SMG6: variants seen among roughly 807,000 people sequenced by gnomAD.
SMG6 encodes the protein telomerase-binding protein EST1A.
Under a neutral mutation model 142.2 loss-of-function variants are expected in SMG6, and 66 were observed. That is an observed-to-expected ratio of 0.46 (90% CI 0.38 to 0.57). SMG6 has a LOEUF of 0.57. SMG6 is among the 20% of genes least tolerant of loss of function. The pLI, the probability that SMG6 is intolerant of heterozygous loss-of-function variation, is 0.00. For synonymous variants in SMG6, 779 were observed against 702.4 expected (o/e 1.11, Z -1.72); for missense variants, 1,793 against 1,832.0 (o/e 0.98, Z 0.39).
intron 15 of SMG6, among the ~76,000 whole-genome samples, chr17:2,069,703 A>G (rs568423572): frequency 3.5e-4 from 53 of 152,350 alleles, no homozygotes; most frequent in African/African-American, 1.2e-3. Context: ...CTGCAGCAGC[A>G]GCCGAAGTCC....
At chr17:2,186,255 T>G (rs1331071594) in intron 12 of SMG6, among the ~76,000 whole-genome samples, 1 of 79,916 alleles carries the variant, frequency 1.3e-5, no homozygotes. Context: ...ATACCCTGTT[T>G]CAAAAAAAAA....
At chr17:2,173,738 C>T (rs62069294) in intron 12 of SMG6, among the ~76,000 whole-genome samples, 2,195 of 151,418 alleles carry the variant, frequency 0.014, 19 homozygotes, top group East Asian at 0.054. Flanking sequence ...ATTGAAATTT[C>T]AGCATAGAAT....
chr17:2,291,058 G>A (rs918734020), intron 6 of SMG6, among the ~76,000 whole-genome samples: 1 of 152,188 alleles, frequency 6.6e-6, no homozygotes, highest in African/African-American at 2.4e-5. Context: ...ATGGCCAGGT[G>A]CGGTGGCTCA....
In SMG6 at chr17:2,255,329, G is replaced by A. The variant is rs575961652; in HGVS notation, c.2662-10610C>T. Among the ~76,000 whole-genome samples, 15 of 146,210 alleles carry A rather than the reference G, an allele frequency of 1.0e-4. No homozygotes were observed. In the South Asian group the frequency reaches 2.6e-3, roughly 25 times the overall value. On this transcript the variant is annotated intron_variant, in intron 8 of 18. Transcript: ENST00000263073. The stretch of plus-strand genomic sequence containing the variant: ...TGAGGCAGGAGAATGGCGTGAACCC[G>A]GGAGGCGGAGCTTGCAGTGAGCCGA...
chr17:2,072,005 A>G (rs2068115550), intron 15 of SMG6: 1 of 152,038 alleles, frequency 6.6e-6, no homozygotes. Flanking sequence ...CGGTAAGAGG[A>G]GGACACAGGA....
rs1486408277 is a variant in SMG6, at chr17:2,236,636, T to A, written c.2725A>T (p.Met909Leu). 2 of 1,609,714 alleles carry A rather than the reference T, an allele frequency of 1.2e-6. No homozygotes were observed. The highest frequency in any genetic ancestry group is 1.7e-6 in the Non-Finnish European group (2 of 1,177,926). ...AHGKLFTRIGMETFPAVAEKV... is the reference protein window; with the variant it reads ...AHGKLFTRIGLETFPAVAEKV... ...TCAGCCACTGCAGGGAATGTCTCCA[T>A]CCTGCAGATTCAGAAAACCCATCAA... The change falls in exon 10 of 19, where the codon ATG becomes TTG. Residue 909 changes from methionine (M) to leucine (L), a missense_variant and splice_region_variant. Met to Leu is a conservative substitution (Grantham distance 15, BLOSUM62 2). This residue lies in a region of SMG6 where 1,597 missense variants were observed against 1,584.6 expected (regional missense o/e 1.01). Transcript: ENST00000263073.
At chr17:2,180,972 T>C (rs2071787681) in intron 12 of SMG6, among the ~76,000 whole-genome samples, 1 of 152,172 alleles carries the variant, frequency 6.6e-6, no homozygotes, top group Admixed American at 6.5e-5. Context: ...TCCTGCTCCC[T>C]TGGGAGCATT....
At chr17:2,098,920 C>T (rs562072347) in intron 13 of SMG6, among the ~76,000 whole-genome samples, 31 of 152,296 alleles carry the variant, frequency 2.0e-4, no homozygotes, top group South Asian at 8.3e-4. Context: ...CGTGAGCCAC[C>T]GTGCCTGGCC....
chr17:2,110,692 T>G (rs2069289935), intron 13 of SMG6, among the ~76,000 whole-genome samples: 1 of 151,818 alleles, frequency 6.6e-6, no homozygotes, highest in South Asian at 2.1e-4. Flanking sequence ...CTGGGAGAGG[T>G]CAGCAACAAC....
At chr17:2,209,260 T>C (rs2072777492) in intron 10 of SMG6, among the ~76,000 whole-genome samples, 1 of 152,220 alleles carries the variant, frequency 6.6e-6, no homozygotes, top group South Asian at 2.1e-4. Flanking sequence ...CTGCCTAGGC[T>C]GGAGTGCAAT....
intron 13 of SMG6, among the ~76,000 whole-genome samples, chr17:2,116,574 C>T (rs963875879): frequency 2.6e-5 from 4 of 151,932 alleles, no homozygotes; most frequent in Admixed American, 1.3e-4. Context: ...GGTGAAACCC[C>T]GTCTCTACTA....
At chr17:2,223,244 G>A (rs909493877) in intron 10 of SMG6, among the ~76,000 whole-genome samples, 6 of 152,196 alleles carry the variant, frequency 3.9e-5, no homozygotes, top group South Asian at 2.1e-4. Context: ...GCACGTGTCC[G>A]GATTTCAGAA....
chr17:2,263,880 T>A (rs1003373102), intron 8 of SMG6, among the ~76,000 whole-genome samples: 2 of 152,126 alleles, frequency 1.3e-5, no homozygotes, highest in Non-Finnish European at 2.9e-5. Flanking sequence ...GGTAGAGAGA[T>A]GAAATTCTGG....
intron 8 of SMG6, among the ~76,000 whole-genome samples, chr17:2,258,050 C>T (rs1306349413): frequency 5.0e-5 from 6 of 120,252 alleles, no homozygotes; most frequent in South Asian, 2.6e-4. Flanking sequence ...CACACACACA[C>T]ACACACACAC....
intron 13 of SMG6, among the ~76,000 whole-genome samples, chr17:2,145,643 C>T (rs1461305855): frequency 4.2e-5 from 1 of 23,776 alleles, no homozygotes. Context: ...TCCATCTCCC[C>T]AAAAAAAAAA....
chr17:2,127,703 G>C, intron 13 of SMG6: 1 of 566,026 alleles, frequency 1.8e-6, no homozygotes, highest in South Asian at 1.4e-5. Flanking sequence ...GTATCTGTTC[G>C]GACTTTAATC....
chr17:2,295,102 TC>T (rs2075117874), intron 4 of SMG6, among the ~76,000 whole-genome samples: 1 of 152,124 alleles, frequency 6.6e-6, no homozygotes, highest in Admixed American at 6.5e-5. Flanking sequence ...GGTCTCAAAC[TC>T]CTGACCTCAG....
At chr17:2,239,160 G>A (rs773204069) in intron 9 of SMG6, among the ~76,000 whole-genome samples, 2 of 152,284 alleles carry the variant, frequency 1.3e-5, no homozygotes, top group African/African-American at 2.4e-5. Flanking sequence ...GGACACGTAC[G>A]TAAGTATGTA....
At chr17:2,276,070 G>T (rs939389140) in intron 8 of SMG6, among the ~76,000 whole-genome samples, 2 of 152,170 alleles carry the variant, frequency 1.3e-5, no homozygotes, top group Non-Finnish European at 2.9e-5. Context: ...TCTAGGAGTT[G>T]TCAAAGGAAC....
Sources: gnomAD v4.1 joint callset for allele counts (sites outside exome capture counted in the v4.1 genomes callset) on GRCh38, gnomAD v4.1.1 for gene constraint, gnomAD v4.1.1 regional missense constraint, MANE v1.5 for transcripts, NCBI Gene and HGNC (gene_info 2026-07-23, HGNC 2026-07-21) for gene names.